The following ERICH3 variants were observed in gnomAD, a reference collection of about 807,000 sequenced individuals.
ERICH3 encodes glutamate rich 3.
In ERICH3, 126 loss-of-function variants were observed where a neutral mutation model predicts 131.1. The observed-to-expected ratio is 0.96, with a 90% CI of 0.83 to 1.11. The LOEUF is 1.11. Among genes scored for constraint, ERICH3 ranks in the 50% most tolerant of loss-of-function variants. The pLI is 0.00. For missense variants in ERICH3, 2,050 were observed against 1,810.7 expected, an observed-to-expected ratio of 1.13 and a Z score of -2.40; for synonymous variants, 695 against 644.6, an observed-to-expected ratio of 1.08 and a Z score of -1.18.
At chr1:74,671,273 C>A (rs2100663902) in intron 1 of ERICH3, among the ~76,000 whole-genome samples, 1 of 151,596 alleles carries the variant, frequency 6.6e-6, no homozygotes, top group Middle Eastern at 3.4e-3. Context: ...GCCTTGTGAT[C>A]TTTGTTGGAC....
chr1:74,614,768 T>TAAA, intron 8 of ERICH3, among the ~76,000 whole-genome samples: 1 of 152,134 alleles, frequency 6.6e-6, no homozygotes, highest in South Asian at 2.1e-4. Flanking sequence ...CCTTAGTATT[T>TAAA]CTGATGTAAA....
At chr1:74,599,999 A>G in intron 10 of ERICH3, 68 bp from the exon 11 acceptor site, 6 of 1,160,202 alleles carry the variant, frequency 5.2e-6, no homozygotes, top group Non-Finnish European at 7.3e-6. Flanking sequence ...ATTTCTCTCT[A>G]ATGAGAACTT....
In ERICH3 at chr1:74,573,371, G is replaced by A. The variant is rs1239946775; in HGVS notation, c.2339C>T (p.Ala780Val). The change falls in exon 14 of 15, where the codon GCG becomes GTG. Residue 780 changes from alanine (A) to valine (V), a missense_variant. Ala to Val is a moderately conservative substitution (Grantham distance 64). Coordinates refer to ENST00000326665, the MANE Select transcript of ERICH3 (RefSeq NM_001002912.5). ...TATGTCAGCATCTCTGTGCTGGGGC[G>A]CTTCATCTTCCTCCATTGCTTCTTT... is the stretch of plus-strand genomic sequence containing the variant. ...EKKEAMEEDEAPQHRDADIVQ... is the reference protein window; with the variant it reads ...EKKEAMEEDEVPQHRDADIVQ... The A allele has an allele frequency of 1.2e-5, 19 of 1,608,104 alleles. No individual in the cohort carries two copies. The highest frequency in any genetic ancestry group is 8.5e-5 in the Admixed American group (5 of 58,718).
intron 3 of ERICH3, among the ~76,000 whole-genome samples, chr1:74,645,950 T>G (rs951437902): frequency 7.2e-5 from 11 of 152,104 alleles, no homozygotes; most frequent in African/African-American, 2.7e-4. Context: ...ATTTACTGCT[T>G]GTATGGTCAA....
intron 1 of ERICH3, among the ~76,000 whole-genome samples, chr1:74,672,426 C>T (rs923062279): frequency 3.9e-5 from 6 of 152,140 alleles, no homozygotes; most frequent in Non-Finnish European, 5.9e-5. Flanking sequence ...CAACGTGGCA[C>T]CTTATATGGC....
chr1:74,587,903 G>A (rs1647408818), intron 12 of ERICH3, among the ~76,000 whole-genome samples: 1 of 152,198 alleles, frequency 6.6e-6, no homozygotes. Flanking sequence ...TTTTGAAGAT[G>A]TTCAGGGTCT....
At chr1:74,576,723 C>T (rs1647062600) in intron 13 of ERICH3, among the ~76,000 whole-genome samples, 172 bp downstream of exon 13, 1 of 151,722 alleles carries the variant, frequency 6.6e-6, no homozygotes, top group South Asian at 2.1e-4. Context: ...AAATGAATAC[C>T]TTTTCCTGCC....
upstream of ERICH3, among the ~76,000 whole-genome samples, chr1:74,674,312 A>G (rs1390006253): frequency 6.6e-5 from 10 of 152,158 alleles, no homozygotes; most frequent in African/African-American, 2.4e-4. Flanking sequence ...CAGTACTTAC[A>G]TTGGAATCCA....
In ERICH3 at chr1:74,631,861, A is replaced by C; in HGVS notation, c.671T>G (p.Leu224Arg). 1 of 1,613,558 alleles carries C rather than the reference A, an allele frequency of 6.2e-7. No individual in the cohort carries two copies. The highest frequency in any genetic ancestry group is 8.5e-7 in the Non-Finnish European group (1 of 1,179,670). ...GNSQRMNSYQLPNINSYMMPI... is the reference protein window; with the variant it reads ...GNSQRMNSYQRPNINSYMMPI... ...CATCATGTAACTGTTAATGTTTGGAAGTTGATATGAATTCATTCTCTGTGA... is the reference window on the plus strand; with the variant it reads ...CATCATGTAACTGTTAATGTTTGGACGTTGATATGAATTCATTCTCTGTGA... The change falls in exon 7 of 15, where the codon CTT becomes CGT. Residue 224 changes from leucine (L) to arginine (R), a missense_variant. Physicochemically the swap from Leu to Arg is moderately radical, Grantham distance 102. Transcript: ENST00000326665.
At chr1:74,659,324 A>ATGTG (rs34090049) in intron 1 of ERICH3, among the ~76,000 whole-genome samples, 13 of 150,176 alleles carry the variant, frequency 8.7e-5, no homozygotes, top group African/African-American at 1.2e-4. Context: ...GCACAGGCGC[A>ATGTG]TGTGTGTGTG....
intron 1 of ERICH3, among the ~76,000 whole-genome samples, chr1:74,671,763 G>A (rs992590224): frequency 2.0e-5 from 3 of 152,064 alleles, no homozygotes; most frequent in South Asian, 2.1e-4. Context: ...TTTCATTTCC[G>A]AATACATGCA....
intron 1 of ERICH3, among the ~76,000 whole-genome samples, chr1:74,655,140 TAAAAATTTCCTC>T (rs1646572516): frequency 1.3e-5 from 2 of 152,186 alleles, no homozygotes; most frequent in African/African-American, 4.8e-5. Flanking sequence ...TGCTTTGCAC[TAAAAATTTCCTC>T]AAAAGCATAC....
chr1:74,647,762 G>T (rs796632324), intron 2 of ERICH3, among the ~76,000 whole-genome samples: 1 of 152,100 alleles, frequency 6.6e-6, no homozygotes, highest in Non-Finnish European at 1.5e-5. Context: ...TAACACTACT[G>T]TTGCAACACA....
At position 74,649,270 on chromosome 1, in the gene ERICH3, C is replaced by A; in HGVS notation, c.69G>T (p.Gly23=). 1.9e-6 allele frequency: 3 copies of A among 1,612,548 alleles called. No homozygotes were observed. Among genetic ancestry groups the A allele is most frequent in the Non-Finnish European group, 2.5e-6 (3 of 1,179,184 alleles). Residue 23 remains glycine (G), a synonymous_variant, in exon 2 of 15, where the codon GGG becomes GGT. Coordinates refer to ENST00000326665, the MANE Select transcript of ERICH3 (RefSeq NM_001002912.5). The stretch of plus-strand genomic sequence containing the variant: ...GCCTTATCCTTGTATTGTTAAAATA[C>A]CCAGCCAGGTGTTTATCCATAAGGC... ...YNSLMDKHLA[G]YFNNTRIRRH... is the part of the protein sequence containing the mutation.
In ERICH3 at chr1:74,572,776, C is replaced by T; in HGVS notation, c.2934G>A (p.Glu978=). Residue 978 remains glutamate, a synonymous_variant, in exon 14 of 15, where the codon GAG becomes GAA. Coordinates refer to ENST00000326665, the MANE Select transcript of ERICH3 (RefSeq NM_001002912.5). ...DGSEEAILGG[E]EPAKERKEVM... ...CCTCTTTTCTCTCTTTGGCTGGTTC[C>T]TCTCCCCCAAGAATTGCCTCTTCAG... is the stretch of plus-strand genomic sequence containing the variant. 6.2e-7 allele frequency: 1 copy of T among 1,613,858 alleles called. No individual in the cohort carries two copies. The highest frequency in any genetic ancestry group is 8.5e-7 in the Non-Finnish European group (1 of 1,179,974).
At chr1:74,645,727 A>G (rs934208752) in intron 3 of ERICH3, among the ~76,000 whole-genome samples, 20 of 152,150 alleles carry the variant, frequency 1.3e-4, no homozygotes, top group Non-Finnish European at 7.4e-5. Context: ...CAACAATTCT[A>G]TGTAATTCAT....
chr1:74,650,071 T>C (rs1431486742), intron 1 of ERICH3, among the ~76,000 whole-genome samples: 2 of 152,174 alleles, frequency 1.3e-5, no homozygotes, highest in Non-Finnish European at 2.9e-5. Flanking sequence ...AATAATAATG[T>C]GCTCAGGAAA....
At chr1:74,648,044 T>C (rs1345429382) in intron 2 of ERICH3, among the ~76,000 whole-genome samples, 7 of 152,246 alleles carry the variant, frequency 4.6e-5, no homozygotes, top group Admixed American at 4.6e-4. Flanking sequence ...TAGCAGAGCT[T>C]CTGATTCAGT....
At chr1:74,663,421 A>G (rs1646660426) in intron 1 of ERICH3, among the ~76,000 whole-genome samples, 1 of 152,140 alleles carries the variant, frequency 6.6e-6, no homozygotes, top group Non-Finnish European at 1.5e-5. Context: ...TCTGTAGTGG[A>G]CATGGTTGAC....
Sources: allele counts gnomAD v4.1 joint callset (sites outside exome capture counted in the v4.1 genomes callset), GRCh38; gene constraint gnomAD v4.1.1; transcripts MANE v1.5; gene names NCBI Gene and HGNC (gene_info 2026-07-23, HGNC 2026-07-21).